Variants in ADGRB1 observed in about 807,000 individuals in gnomAD.
ADGRB1 encodes adhesion G protein-coupled receptor B1, also known as brain-specific angiogenesis inhibitor 1.
Under a neutral mutation model 175.7 loss-of-function variants are expected in ADGRB1, and 36 were observed. The observed-to-expected ratio is 0.20, with a 90% CI of 0.16 to 0.27. The LOEUF (loss-of-function observed/expected upper bound fraction) is 0.27. ADGRB1 is among the 10% of genes least tolerant of loss of function. ADGRB1 has a pLI of 1.00. For missense variants in ADGRB1, 1,731 were observed against 2,255.3 expected (o/e 0.77, Z 4.71); for synonymous variants, 1,054 against 979.4 (o/e 1.08, Z -1.42).
At chr8:142,459,726 GCA>G (rs1195722339) in intron 1 of ADGRB1, among the ~76,000 whole-genome samples, 3 of 152,194 alleles carry the variant, frequency 2.0e-5, no homozygotes, top group African/African-American at 7.2e-5. Flanking sequence ...ACACACGTAT[GCA>G]CACATGCATT....
chr8:142,530,399 CT>C (rs1353538807), intron 24 of ADGRB1, among the ~76,000 whole-genome samples: 1 of 152,100 alleles, frequency 6.6e-6, no homozygotes, highest in Non-Finnish European at 1.5e-5. Flanking sequence ...GCCAGTTGGG[CT>C]TTCCAGCCTG....
chr8:142,477,329 CAGGGCAGCGGGGGCG>C, intron 5 of ADGRB1, 41 bp from the exon 6 acceptor site: 1 of 1,586,522 alleles, frequency 6.3e-7, no homozygotes, highest in Non-Finnish European at 8.6e-7. Flanking sequence ...AGCGGGGGGC[CAGGGCAGCGGGGGCG>C]GTGGCCGCAG....
intron 17 of ADGRB1, among the ~76,000 whole-genome samples, chr8:142,491,931 G>A (rs1377934912): frequency 6.6e-6 from 1 of 152,092 alleles, no homozygotes; most frequent in Non-Finnish European, 1.5e-5. Flanking sequence ...GCTGGAGCAA[G>A]GGCAGGGAGG....
intron 17 of ADGRB1, among the ~76,000 whole-genome samples, chr8:142,505,851 GC>G (rs1042647491): frequency 1.3e-5 from 2 of 152,212 alleles, no homozygotes; most frequent in Admixed American, 1.3e-4. Context: ...GCACTGTGGG[GC>G]TCTCCATGCA....
intron 17 of ADGRB1, among the ~76,000 whole-genome samples, chr8:142,494,630 C>T (rs1842129029): frequency 6.6e-6 from 1 of 151,914 alleles, no homozygotes; most frequent in Admixed American, 6.6e-5. Context: ...AACACTCAAG[C>T]CCATGATGTC....
intron 13 of ADGRB1, 57 bp downstream of exon 13, chr8:142,484,821 GC>G: frequency 7.5e-7 from 1 of 1,328,346 alleles, no homozygotes; most frequent in Non-Finnish European, 1.1e-6. Context: ...CCTGGGCCAG[GC>G]CCTTCTGCCT....
chr8:142,475,633 G>A lies in ADGRB1; in HGVS notation c.944G>A (p.Gly315Asp). Reference protein sequence around the residue: ...EGRQCNREACGPAGRTSSRSQ... With the variant: ...EGRQCNREACDPAGRTSSRSQ... ...CGCCAGTGCAACCGCGAGGCCTGCG[G>A]CCGTGAGTGCGGGCGGGGCGGGGCG... Residue 315 changes from glycine to aspartate, a missense_variant and splice_region_variant, in exon 3 of 31, where the codon GGC (glycine) becomes GAC (aspartate). Around this residue, in one of 8 missense-constraint regions of ADGRB1, gnomAD observed 178 missense variants for 227.8 expected, o/e 0.78. Transcript: ENST00000517894. 4.1e-6 allele frequency: 5 copies of A among 1,229,880 alleles called. No homozygotes were observed. Among genetic ancestry groups the A allele is most frequent in the Non-Finnish European group, 4.1e-6 (4 of 986,530 alleles). The allele number at this position is 1,229,880 out of a possible 1,614,324, so 76.2% of individuals were successfully genotyped here.
At position 142,492,866 on chromosome 8, in the gene ADGRB1, C is replaced by G. The variant is rs993321232; in HGVS notation, c.2675+2051C>G. Among the ~76,000 whole-genome samples the G allele has an allele frequency of 3.9e-5, 6 of 152,038 alleles. No homozygotes were observed. Among genetic ancestry groups the G allele is most frequent in the African/African-American group, 1.2e-4 (5 of 41,412 alleles). ...CAGGTGGGTCTCTCACCCCCACAGC[C>G]CCAGCACTTCCACCAGCACAGGCCC... On this transcript the variant is annotated intron_variant, in intron 17 of 30. Transcript: ENST00000517894. The surrounding 1 kb of genome is among the most constrained non-coding windows in gnomAD (Gnocchi z 4.4).
intron 24 of ADGRB1, among the ~76,000 whole-genome samples, chr8:142,527,913 C>G (rs2132175695): frequency 6.6e-6 from 1 of 152,338 alleles, no homozygotes; most frequent in Non-Finnish European, 1.5e-5. Context: ...GCTTCCAGGC[C>G]AGGTGGGCAC....
chr8:142,525,490 G>C (rs2132158300), intron 23 of ADGRB1, among the ~76,000 whole-genome samples: 1 of 152,252 alleles, frequency 6.6e-6, no homozygotes, highest in Admixed American at 6.5e-5. Flanking sequence ...CCTGCTGCAG[G>C]CAGTGGTCCG....
intron 1 of ADGRB1, among the ~76,000 whole-genome samples, chr8:142,450,763 ACTCT>A (rs1372767001): frequency 2.0e-5 from 3 of 150,828 alleles, no homozygotes; most frequent in Non-Finnish European, 4.4e-5. Context: ...CCCTGGAGGT[ACTCT>A]CCCCCACTTC....
At chr8:142,496,092 G>A (rs1016635425) in intron 17 of ADGRB1, among the ~76,000 whole-genome samples, 2 of 151,876 alleles carry the variant, frequency 1.3e-5, no homozygotes, top group Non-Finnish European at 2.9e-5. Flanking sequence ...ATGGATGGGT[G>A]GGTGGCTGGC....
chr8:142,469,245 A>G (rs112789839), intron 2 of ADGRB1, among the ~76,000 whole-genome samples: 8 of 150,502 alleles, frequency 5.3e-5, no homozygotes, highest in South Asian at 2.1e-4. Context: ...GTGTGCACAC[A>G]TGCATGTGTG....
intron 2 of ADGRB1, among the ~76,000 whole-genome samples, chr8:142,469,227 ATGTGAATGTGTGCACACATGCATGTG>A (rs1418108192): frequency 6.8e-6 from 1 of 147,510 alleles, no homozygotes; most frequent in African/African-American, 2.5e-5. Context: ...ATATCTGTGA[ATGTGAATGTGTGCACACATGCATGTG>A]TGTGAATGTG....
Position 142,544,789 on chromosome 8 carries a change from C to T in ADGRB1, c.*372C>T, listed in dbSNP as rs554217358. ...GGAGGAGCTGCCTGCTTGGCCCGGCCGGCCTGGCACCGTTTTTTAAACACC... is the reference window on the plus strand; with the variant it reads ...GGAGGAGCTGCCTGCTTGGCCCGGCTGGCCTGGCACCGTTTTTTAAACACC... On this transcript the variant is annotated 3_prime_UTR_variant, in exon 31 of 31. Transcript: ENST00000517894. 2.2e-4 allele frequency: 37 copies of T among 167,568 alleles called. No individual in the cohort carries two copies. Among genetic ancestry groups the T allele is most frequent in the Middle Eastern group, 5.1e-3 (2 of 394 alleles). The allele number at this position is 167,568 out of a possible 1,614,324, so 10.4% of individuals were successfully genotyped here. A position where few individuals can be genotyped will look rare whatever the true frequency, so the allele number is the denominator to read the frequency against.
intron 1 of ADGRB1, among the ~76,000 whole-genome samples, chr8:142,458,569 G>A (rs776550052): frequency 1.3e-5 from 2 of 152,142 alleles, no homozygotes; most frequent in African/African-American, 2.4e-5. Flanking sequence ...CCGGCCCAGC[G>A]TGGCTAGCTC....
intron 1 of ADGRB1, among the ~76,000 whole-genome samples, chr8:142,463,338 C>A (rs978426932): frequency 6.6e-6 from 1 of 152,242 alleles, no homozygotes; most frequent in Admixed American, 6.5e-5. Flanking sequence ...AATCTGAACT[C>A]CCCTCACCCC....
In ADGRB1 at chr8:142,488,518, C is replaced by T; in HGVS notation, c.2452+11C>T. ...CCACGGGGCTGACAGGTGAGGGGCC[C>T]AGGGAGTGGAGGGGGACCTTCATGG... On this transcript the variant is annotated intron_variant, in intron 14 of 30. Coordinates refer to ENST00000517894, the MANE Select transcript of ADGRB1 (RefSeq NM_001702.3). 1 of 1,610,864 alleles carries T rather than the reference C, an allele frequency of 6.2e-7. No individual in the cohort carries two copies. The highest frequency in any genetic ancestry group is 1.3e-5 in the African/African-American group (1 of 74,994).
intron 11 of ADGRB1, among the ~76,000 whole-genome samples, chr8:142,482,639 TGATCCTGGTCACACGCTGAGCCTC>T (rs1268172495): frequency 6.6e-6 from 1 of 150,642 alleles, no homozygotes; most frequent in Non-Finnish European, 1.5e-5. Flanking sequence ...TGCTGAGTCC[TGATCCTGGTCACACGCTGAGCCTC>T]GATCCTGGTC....
Sources: gnomAD v4.1 joint callset for allele counts (sites outside exome capture counted in the v4.1 genomes callset) on GRCh38, gnomAD v4.1.1 for gene constraint, gnomAD v4.1.1 regional missense constraint, Gnocchi (gnomAD v3.1) non-coding constraint, MANE v1.5 for transcripts, NCBI Gene and HGNC (gene_info 2026-07-23, HGNC 2026-07-21) for gene names.